Variants in GPR20 observed in about 807,000 individuals in gnomAD.
The protein encoded by GPR20 is G protein-coupled receptor 20.
For missense variants in GPR20, 494 were observed against 527.4 expected, an observed-to-expected ratio of 0.94 and a Z score of 0.62; for synonymous variants, 241 against 241.9, an observed-to-expected ratio of 1.00 and a Z score of 0.04.
intron 1 of GPR20, among the ~76,000 whole-genome samples, chr8:141,364,268 G>A (rs142201031): frequency 3.3e-5 from 5 of 152,382 alleles, no homozygotes; most frequent in African/African-American, 7.2e-5. Context: ...CCCAGACGGC[G>A]TGGCCCTCAT....
intron 1 of GPR20, among the ~76,000 whole-genome samples, chr8:141,360,646 G>A (rs1831719116): frequency 6.6e-6 from 1 of 152,254 alleles, no homozygotes. Flanking sequence ...AGGGGCCCAT[G>A]GAAGTGGCTC....
rs778103221 is a variant in GPR20, at chr8:141,357,198, G to A, written c.726C>T (p.Leu242=). 6 of 1,585,424 alleles carry A rather than the reference G, an allele frequency of 3.8e-6. No homozygotes were observed. In the African/African-American group the frequency reaches 8.1e-5, roughly 21 times the overall value. ...GRQRRVRAMQ[L]LLTVLIIFLV... is the part of the protein sequence containing the mutation. ...GAAAGATGATGAGCACCGTGAGCAG[G>A]AGCTGCATGGCCCGCACGCGGCGCT... Residue 242 remains leucine (L), a synonymous_variant, in exon 2 of 2, where the codon CTC becomes CTT. Transcript: ENST00000377741.
At chr8:141,358,732 T>C (rs941484474) in intron 1 of GPR20, among the ~76,000 whole-genome samples, 3 of 152,162 alleles carry the variant, frequency 2.0e-5, no homozygotes, top group Non-Finnish European at 2.9e-5. Flanking sequence ...CAAGGACCAG[T>C]CTCACTGGGC....
chr8:141,361,505 G>A (rs1831733481), intron 1 of GPR20, among the ~76,000 whole-genome samples: 1 of 152,226 alleles, frequency 6.6e-6, no homozygotes, highest in Non-Finnish European at 1.5e-5. Flanking sequence ...GCCCAGAGTA[G>A]GGGCTCAGAC....
chr8:141,359,967 C>A (rs892136942), intron 1 of GPR20, among the ~76,000 whole-genome samples: 2 of 152,194 alleles, frequency 1.3e-5, no homozygotes, highest in Non-Finnish European at 2.9e-5. Flanking sequence ...CAATCAGAGA[C>A]AAATCATAAA....
chr8:141,366,770 G>A (rs1255618277), intron 1 of GPR20, among the ~76,000 whole-genome samples: 15 of 152,214 alleles, frequency 9.9e-5, no homozygotes, highest in Admixed American at 9.8e-4. Context: ...AAGTGCCTCT[G>A]GGGTCCCCCA....
intron 1 of GPR20, among the ~76,000 whole-genome samples, chr8:141,361,637 C>T (rs1446821906): frequency 2.0e-5 from 3 of 152,138 alleles, no homozygotes; most frequent in Non-Finnish European, 2.9e-5. Flanking sequence ...CTACTCACTG[C>T]CCCCGCCAGC....
intron 1 of GPR20, among the ~76,000 whole-genome samples, chr8:141,360,786 G>A (rs114425852): frequency 0.017 from 2,635 of 152,292 alleles, 77 homozygotes; most frequent in African/African-American, 0.059. Flanking sequence ...ACAGAGACCC[G>A]GGTTTGAGTC....
rs779292977 is a variant in GPR20 at position 141,357,119 on chromosome 8, C to T, written c.805G>A (p.Asp269Asn). 2.2e-5 allele frequency: 35 copies of T among 1,611,412 alleles called. No homozygotes were observed. In the East Asian group the frequency reaches 5.6e-4, roughly 26 times the overall value. Residue 269 changes from aspartate to asparagine, a missense_variant, in exon 2 of 2, where the codon GAC becomes AAC. Physicochemically the swap from Asp to Asn is conservative, Grantham distance 23. Transcript: ENST00000377741. ...ACGAGGCTCGTGTGGTGTGGCATGT[C>T]GGGCCACAGCGCCACGGCCACTTGG... ...ARQVAVALWP[D>N]MPHHTSLVVY... is the part of the protein sequence containing the mutation.
At chr8:141,362,801 C>T (rs574272448) in intron 1 of GPR20, among the ~76,000 whole-genome samples, 16 of 150,706 alleles carry the variant, frequency 1.1e-4, no homozygotes, top group Non-Finnish European at 1.5e-4. Flanking sequence ...TTTTTTGAGA[C>T]GGAGTGCTGT....
intron 1 of GPR20, among the ~76,000 whole-genome samples, chr8:141,359,834 A>G (rs559633249): frequency 1.3e-5 from 2 of 152,350 alleles, no homozygotes; most frequent in Admixed American, 6.5e-5. Flanking sequence ...ACGCTCTCAG[A>G]AAAGGTCGAG....
chr8:141,357,914 C>A lies in GPR20; in HGVS notation c.10G>T (p.Val4Leu). Residue 4 changes from valine to leucine, a missense_variant, in exon 2 of 2, where the codon GTG (valine) becomes TTG (leucine). Coordinates refer to ENST00000377741, the MANE Select transcript of GPR20 (RefSeq NM_005293.3). The part of the protein sequence containing the change: MPS[V>L]SPAGPSAGAV... ...CCGGCCGAGGGCCCCGCTGGAGACACAGAGGGCATGACGGCAGCCAGCACA... is the reference window on the plus strand; with the variant it reads ...CCGGCCGAGGGCCCCGCTGGAGACAAAGAGGGCATGACGGCAGCCAGCACA... 6.4e-7 allele frequency: 1 copy of A among 1,555,838 alleles called. No individual in the cohort carries two copies. Among genetic ancestry groups the A allele is most frequent in the Non-Finnish European group, 8.7e-7 (1 of 1,146,340 alleles).
chr8:141,363,107 C>T (rs1035692458), intron 1 of GPR20, among the ~76,000 whole-genome samples: 13 of 152,242 alleles, frequency 8.5e-5, no homozygotes, highest in African/African-American at 2.9e-4. Flanking sequence ...CTCTACCACC[C>T]GCCACCTTCG....
At chr8:141,362,328 G>A (rs1831746500) in intron 1 of GPR20, among the ~76,000 whole-genome samples, 1 of 152,084 alleles carries the variant, frequency 6.6e-6, no homozygotes, top group South Asian at 2.1e-4. Context: ...TCAATCCCAG[G>A]GTTCATCCCA....
rs150478338 is a variant in GPR20 at position 141,357,026 on chromosome 8, C to T, written c.898G>A (p.Val300Ile). 1.3e-4 allele frequency: 210 copies of T among 1,613,072 alleles called. No homozygotes were observed. The highest frequency in any genetic ancestry group is 9.7e-4 in the African/African-American group (73 of 75,072). ...SCMDPIVYCF[V>I]TSGFQATVRG... is the part of the protein sequence containing the mutation. ...ACGGTGGCCTGGAAGCCACTGGTGA[C>T]GAAGCAGTAGACGATGGGGTCCATG... is the stretch of plus-strand genomic sequence containing the variant. The change falls in exon 2 of 2, where the codon GTC becomes ATC. Residue 300 changes from valine (V) to isoleucine (I), a missense_variant. Transcript: ENST00000377741.
intron 1 of GPR20, among the ~76,000 whole-genome samples, chr8:141,365,350 G>A (rs58774509): frequency 0.024 from 3,593 of 152,304 alleles, 147 homozygotes; most frequent in African/African-American, 0.083. Flanking sequence ...TCATGTGTCC[G>A]GGCTCACCCA....
intron 1 of GPR20, among the ~76,000 whole-genome samples, chr8:141,359,262 C>G (rs1831698560): frequency 6.6e-6 from 1 of 152,174 alleles, no homozygotes; most frequent in African/African-American, 2.4e-5. Context: ...TGCGTGGCCC[C>G]ATCCCACCCC....
rs1008955518 is a variant in GPR20, at chr8:141,356,608, C to T, written c.*239G>A. ...GCTACCCCTGTGAGTTTTCAGTGGACGTGCTATACCCCAGGAACAGCAAAT... is the reference window on the plus strand; with the variant it reads ...GCTACCCCTGTGAGTTTTCAGTGGATGTGCTATACCCCAGGAACAGCAAAT... On this transcript the variant is annotated 3_prime_UTR_variant, in exon 2 of 2. Transcript: ENST00000377741. 1.4e-5 allele frequency: 6 copies of T among 436,496 alleles called. No homozygotes were observed. Among genetic ancestry groups the T allele is most frequent in the East Asian group, 6.7e-5 (2 of 29,970 alleles). The allele number at this position is 436,496 out of a possible 1,614,324, so 27.0% of individuals were successfully genotyped here.
intron 1 of GPR20, among the ~76,000 whole-genome samples, chr8:141,366,832 G>GT (rs1831820578): frequency 6.6e-6 from 1 of 152,212 alleles, no homozygotes; most frequent in South Asian, 2.1e-4. Context: ...GCCAGGTGGG[G>GT]AAACCAAGAC....
Sources: allele counts gnomAD v4.1 joint callset (sites outside exome capture counted in the v4.1 genomes callset), GRCh38; gene constraint gnomAD v4.1.1; transcripts MANE v1.5; gene names NCBI Gene and HGNC (gene_info 2026-07-23, HGNC 2026-07-21).